The following MLLT1 variants were observed in gnomAD, a reference collection of about 807,000 sequenced individuals.
The protein encoded by MLLT1 is protein ENL.
Under a neutral mutation model 55.1 loss-of-function variants are expected in MLLT1, and 11 were observed. The ratio of observed to expected loss-of-function variants is 0.20; its 90% CI spans 0.13 to 0.33. The LOEUF is 0.33. Ranked by LOEUF, MLLT1 falls within the 10% of genes least tolerant of loss-of-function variation. MLLT1 has a pLI of 1.00. For missense variants in MLLT1, 536 were observed against 760.6 expected, an observed-to-expected ratio of 0.70 and a Z score of 3.47; for synonymous variants, 323 against 320.1, an observed-to-expected ratio of 1.01 and a Z score of -0.10.
chr19:6,224,307 CG>C (rs1165129867), intron 5 of MLLT1, among the ~76,000 whole-genome samples: 1 of 152,250 alleles, frequency 6.6e-6, no homozygotes, highest in Non-Finnish European at 1.5e-5. Context: ...CCTGGGACAG[CG>C]GGAGTGCCCC....
chr19:6,261,163 A>G (rs983518152), intron 3 of MLLT1, among the ~76,000 whole-genome samples: 5 of 151,968 alleles, frequency 3.3e-5, no homozygotes, highest in Non-Finnish European at 7.4e-5. Flanking sequence ...GGGACCACTC[A>G]CCCCTCAGGA....
In MLLT1 at chr19:6,235,564, C is replaced by A. The variant is rs1189664489; in HGVS notation, c.277-4851G>T. On this transcript the variant is annotated intron_variant, in intron 3 of 11. Coordinates refer to ENST00000252674, the MANE Select transcript of MLLT1 (RefSeq NM_005934.4). This position sits in a 1 kb window ranked among gnomAD's most constrained non-coding sequence, Gnocchi z 5.5. The stretch of plus-strand genomic sequence containing the variant: ...TCTGCCCACTGCCTGGCACAGGGCA[C>A]CCTGGGGCTCGGAACTGGGTCCTCT... 1.3e-5 allele frequency among the ~76,000 whole-genome samples: 2 copies of A among 152,150 alleles called. No homozygotes were observed. The highest frequency in any genetic ancestry group is 2.9e-5 in the Non-Finnish European group (2 of 67,992).
chr19:6,215,216 C>T (rs563308365), intron 8 of MLLT1, among the ~76,000 whole-genome samples: 7 of 152,384 alleles, frequency 4.6e-5, no homozygotes, highest in South Asian at 2.1e-4. Flanking sequence ...CCCACACAAA[C>T]GTTCCGGGAG....
chr19:6,249,681 G>A (rs2091197858), intron 3 of MLLT1, among the ~76,000 whole-genome samples: 1 of 152,186 alleles, frequency 6.6e-6, no homozygotes, highest in Non-Finnish European at 1.5e-5. Flanking sequence ...AGTCTGCCCA[G>A]CAAGCGCTTT....
intron 8 of MLLT1, 108 bp downstream of exon 8, chr19:6,216,297 G>A (rs1464027906): frequency 3.7e-6 from 3 of 807,938 alleles, no homozygotes; most frequent in Non-Finnish European, 6.0e-6. Flanking sequence ...GGCCCTCCCA[G>A]GGGACCCTCC....
intron 3 of MLLT1, among the ~76,000 whole-genome samples, chr19:6,245,635 C>T (rs1430500629): frequency 4.6e-5 from 7 of 152,112 alleles, no homozygotes; most frequent in South Asian, 2.1e-4. Flanking sequence ...GGCATGAACA[C>T]GGGAGGCAGA....
chr19:6,243,809 C>T (rs780558632), intron 3 of MLLT1, among the ~76,000 whole-genome samples: 1 of 151,946 alleles, frequency 6.6e-6, no homozygotes, highest in African/African-American at 2.4e-5. Flanking sequence ...TTTGGGAGAC[C>T]GAGGCAGGTG....
chr19:6,256,623 G>A lies in MLLT1; in HGVS notation c.276+5605C>T, dbSNP rs1037859542. 2.0e-5 allele frequency among the ~76,000 whole-genome samples: 3 copies of A among 151,502 alleles called. No homozygotes were observed. The highest frequency in any genetic ancestry group is 2.9e-5 in the Non-Finnish European group (2 of 67,846). ...CAAAAAATTAGCCAGGCGTGGTGGCGGGCACCTGTAGTCCCAGCTACTCGG... is the reference window on the plus strand; with the variant it reads ...CAAAAAATTAGCCAGGCGTGGTGGCAGGCACCTGTAGTCCCAGCTACTCGG... On this transcript the variant is annotated intron_variant, in intron 3 of 11. Transcript: ENST00000252674. The surrounding 1 kb of genome is among the most constrained non-coding windows in gnomAD (Gnocchi z 4.1).
chr19:6,234,472 TC>T (rs1448963673), intron 3 of MLLT1, among the ~76,000 whole-genome samples: 2 of 152,192 alleles, frequency 1.3e-5, no homozygotes, highest in Admixed American at 1.3e-4. Flanking sequence ...AGAGCTCTTG[TC>T]CTGCCTTTCC....
At chr19:6,253,252 G>C in intron 3 of MLLT1, among the ~76,000 whole-genome samples, 1 of 110,680 alleles carries the variant, frequency 9.0e-6, no homozygotes, top group East Asian at 2.9e-4. Context: ...GCGACAGAGC[G>C]AGACCCCATC....
In MLLT1 at chr19:6,231,345, A is replaced by G. The variant is rs886230563; in HGVS notation, c.277-632T>C. On this transcript the variant is annotated intron_variant, in intron 3 of 11. Coordinates refer to ENST00000252674, the MANE Select transcript of MLLT1 (RefSeq NM_005934.4). The surrounding 1 kb of genome is among the most constrained non-coding windows in gnomAD (Gnocchi z 5.1). ...CCGCACGAAGGTGTGAGGAGTTGAC[A>G]GGGTGGCCTGGAAAAGGGCTGTGAG... is the stretch of plus-strand genomic sequence containing the variant. Among the ~76,000 whole-genome samples, 2 of 152,106 alleles carry G rather than the reference A, an allele frequency of 1.3e-5. No individual in the cohort carries two copies. Among genetic ancestry groups the G allele is most frequent in the Admixed American group, 1.3e-4 (2 of 15,284 alleles).
chr19:6,243,867 C>A (rs1377653455), intron 3 of MLLT1, among the ~76,000 whole-genome samples: 3 of 151,856 alleles, frequency 2.0e-5, no homozygotes, highest in East Asian at 1.9e-4. Context: ...CACGGTGAAA[C>A]CCCCTCTCTA....
At position 6,279,369 on chromosome 19, in the gene MLLT1, G is replaced by C. The variant is rs527586751; in HGVS notation, c.12+404C>G. Among the ~76,000 whole-genome samples the C allele has an allele frequency of 2.6e-5, 4 of 152,224 alleles. No homozygotes were observed. The East Asian group carries it at 7.7e-4, about 29-fold the overall frequency. On this transcript the variant is annotated intron_variant, in intron 1 of 11. Coordinates refer to ENST00000252674, the MANE Select transcript of MLLT1 (RefSeq NM_005934.4). ...GGTCTGAACAGGGCCCAGATCCCAG[G>C]AAGTGCCTGGAAGGAGCTCTGGGCC...
intron 8 of MLLT1, among the ~76,000 whole-genome samples, chr19:6,216,041 T>C (rs1458143439): frequency 6.6e-6 from 1 of 152,100 alleles, no homozygotes; most frequent in Non-Finnish European, 1.5e-5. Flanking sequence ...GGGAGTCTCC[T>C]GGCCCAAGAG....
rs1035239680 is a variant in MLLT1, at chr19:6,279,891, C to T, written c.-107G>A. The T allele has an allele frequency of 1.0e-3, 173 of 166,144 alleles. No homozygotes were observed. Among genetic ancestry groups the T allele is most frequent in the Admixed American group, 1.7e-3 (25 of 15,062 alleles). The allele number at this position is 166,144 out of a possible 1,614,324, so 10.3% of individuals were successfully genotyped here. ...GCCCTCATTGTCTGTCAAGCGCCGC[C>T]GCCGCCGCCGCCGCCGCCGATCCCG... On this transcript the variant is annotated 5_prime_UTR_variant, in exon 1 of 12. Transcript: ENST00000252674.
At chr19:6,215,159 C>T (rs1185145538) in intron 8 of MLLT1, among the ~76,000 whole-genome samples, 1 of 152,232 alleles carries the variant, frequency 6.6e-6, no homozygotes, top group Non-Finnish European at 1.5e-5. Flanking sequence ...CTGGGCGCTC[C>T]CTGCCCCGGC....
chr19:6,263,377 G>A (rs568136588), intron 2 of MLLT1: 25 of 152,428 alleles, frequency 1.6e-4, no homozygotes, highest in Admixed American at 1.4e-3. Flanking sequence ...CTCGCCCATA[G>A]TCTGAATCCC....
chr19:6,252,914 T>C (rs12150871), intron 3 of MLLT1, among the ~76,000 whole-genome samples: 56,761 of 151,974 alleles, frequency 0.37, 13,445 homozygotes, highest in African/African-American at 0.68. Flanking sequence ...GACAACTATA[T>C]GCCAGCTAGA....
In MLLT1 at chr19:6,213,330, G is replaced by A; in HGVS notation, c.1551+7C>T. ...TCTGCCGGGCAGGACCCTCAGGGGG[G>A]CGATACCTGCTGCAGCACGTTGCGC... On this transcript the variant is annotated splice_region_variant and intron_variant, in intron 11 of 11. Coordinates refer to ENST00000252674, the MANE Select transcript of MLLT1 (RefSeq NM_005934.4). 1 of 1,612,234 alleles carries A rather than the reference G, an allele frequency of 6.2e-7. No homozygotes were observed. Among genetic ancestry groups the A allele is most frequent in the East Asian group, 2.2e-5 (1 of 44,856 alleles).
Sources: gnomAD v4.1 joint callset for allele counts (sites outside exome capture counted in the v4.1 genomes callset) on GRCh38, gnomAD v4.1.1 for gene constraint, Gnocchi (gnomAD v3.1) non-coding constraint, MANE v1.5 for transcripts, NCBI Gene and HGNC (gene_info 2026-07-23, HGNC 2026-07-21) for gene names.